The following DNAJC3 variants were observed in gnomAD, a reference collection of about 807,000 sequenced individuals.
The protein encoded by DNAJC3 is dnaJ homolog subfamily C member 3.
Under a neutral mutation model 68.6 loss-of-function variants are expected in DNAJC3, and 38 were observed. That is an observed-to-expected ratio of 0.55 (90% CI 0.43 to 0.73). The LOEUF is 0.73. DNAJC3 is among the 30% of genes least tolerant of loss of function. DNAJC3 has a pLI of 0.00. For missense variants in DNAJC3, 526 were observed against 591.9 expected, an observed-to-expected ratio of 0.89 and a Z score of 1.16; for synonymous variants, 203 against 204.0, an observed-to-expected ratio of 1.00 and a Z score of 0.04.
intron 4 of DNAJC3, among the ~76,000 whole-genome samples, chr13:95,746,939 A>G (rs1030815698): frequency 2.6e-5 from 4 of 152,188 alleles, no homozygotes; most frequent in Non-Finnish European, 4.4e-5. Flanking sequence ...TTAGTCTTAA[A>G]TTGGATTTGA....
At chr13:95,710,939 C>T (rs1333309496) in intron 2 of DNAJC3, among the ~76,000 whole-genome samples, 1 of 152,144 alleles carries the variant, frequency 6.6e-6, no homozygotes, top group African/African-American at 2.4e-5. Context: ...ATCTGCCTGC[C>T]TCAGCCTCCC....
At chr13:95,777,580 A>T (rs1344925239) in intron 9 of DNAJC3, among the ~76,000 whole-genome samples, 2 of 152,218 alleles carry the variant, frequency 1.3e-5, no homozygotes, top group East Asian at 3.9e-4. Flanking sequence ...GTCAAAATTC[A>T]CAAGAGACAA....
At chr13:95,681,801 C>T (rs961876286) in intron 1 of DNAJC3, among the ~76,000 whole-genome samples, 1 of 152,330 alleles carries the variant, frequency 6.6e-6, no homozygotes, top group East Asian at 1.9e-4. Context: ...TTTAAACTCT[C>T]CTTTCCTCTC....
chr13:95,703,760 T>C (rs1880642549), intron 1 of DNAJC3, among the ~76,000 whole-genome samples: 2 of 152,112 alleles, frequency 1.3e-5, no homozygotes, highest in Non-Finnish European at 1.5e-5. Flanking sequence ...AGCTGAAATA[T>C]GTGGCTTCCT....
intron 4 of DNAJC3, among the ~76,000 whole-genome samples, chr13:95,752,719 C>T (rs1882518700): frequency 6.6e-6 from 1 of 152,090 alleles, no homozygotes; most frequent in African/African-American, 2.4e-5. Flanking sequence ...TATCTTTTAT[C>T]CATACATGCT....
chr13:95,683,911 T>G (rs1879997372), intron 1 of DNAJC3, among the ~76,000 whole-genome samples: 1 of 122,324 alleles, frequency 8.2e-6, no homozygotes, highest in South Asian at 2.5e-4. Context: ...CCAGCCTGGG[T>G]GACAGAGCAA....
chr13:95,788,687 A>G (rs1421646380), intron 11 of DNAJC3, among the ~76,000 whole-genome samples: 2 of 152,180 alleles, frequency 1.3e-5, no homozygotes, highest in Admixed American at 1.3e-4. Flanking sequence ...ATTTTTAAGT[A>G]ATTACATAAT....
At chr13:95,781,095 C>T (rs928252225) in intron 9 of DNAJC3, among the ~76,000 whole-genome samples, 20 of 152,062 alleles carry the variant, frequency 1.3e-4, no homozygotes, top group African/African-American at 4.6e-4. Context: ...CCCTGCTTCA[C>T]TCATTTTACT....
intron 1 of DNAJC3, among the ~76,000 whole-genome samples, chr13:95,677,793 A>G (rs1196730215): frequency 6.6e-6 from 1 of 152,144 alleles, no homozygotes; most frequent in Non-Finnish European, 1.5e-5. Flanking sequence ...AAGGAGTGTC[A>G]TGTCCGGCTG....
At chr13:95,677,407 C>T in intron 1 of DNAJC3, 70 bp downstream of exon 1, 2 of 1,473,606 alleles carry the variant, frequency 1.4e-6, no homozygotes, top group Non-Finnish European at 1.8e-6. Context: ...CCCGTCTGCG[C>T]CCGGGCGCCT....
intron 9 of DNAJC3, among the ~76,000 whole-genome samples, chr13:95,766,158 A>G (rs1392983874): frequency 6.6e-6 from 1 of 152,154 alleles, no homozygotes; most frequent in Admixed American, 6.6e-5. Context: ...TCCTGGTTTT[A>G]CCTTTCTTAG....
At chr13:95,743,932 TG>T (rs1296706870) in intron 4 of DNAJC3, among the ~76,000 whole-genome samples, 1 of 152,206 alleles carries the variant, frequency 6.6e-6, no homozygotes, top group African/African-American at 2.4e-5. Flanking sequence ...TTGTCAAAAT[TG>T]TTTTAGATAT....
chr13:95,677,333 C>T lies in DNAJC3; in HGVS notation c.78C>T (p.Tyr26=), dbSNP rs146543814. The T allele has an allele frequency of 3.4e-3, 5,430 of 1,598,302 alleles. 38 individuals are homozygous for T. The highest frequency in any genetic ancestry group is 0.018 in the South Asian group (1,616 of 89,136). The change falls in exon 1 of 12, where the codon TAC becomes TAT. Residue 26 remains tyrosine, a synonymous_variant. Coordinates refer to ENST00000602402, the MANE Select transcript of DNAJC3 (RefSeq NM_006260.5). ...TGCTAGTCCTGGTGGATCTGCAGTA[C>T]GAAGGTGAGTCCTGCCCTGCCCCGG... The part of the protein sequence containing the change: ...PFLLVLVDLQ[Y]EGAECGVNAD...
intron 2 of DNAJC3, among the ~76,000 whole-genome samples, chr13:95,713,363 T>G (rs1401720757): frequency 6.6e-6 from 1 of 151,966 alleles, no homozygotes; most frequent in Non-Finnish European, 1.5e-5. Flanking sequence ...CATACTTTTG[T>G]AGCAACAGAG....
intron 9 of DNAJC3, among the ~76,000 whole-genome samples, chr13:95,770,524 A>G (rs1883129322): frequency 6.6e-6 from 1 of 152,228 alleles, no homozygotes; most frequent in South Asian, 2.1e-4. Context: ...AATAGATGCT[A>G]AAAATAAAGT....
chr13:95,677,139 A>G lies in DNAJC3; in HGVS notation c.-117A>G. On this transcript the variant is annotated 5_prime_UTR_variant, in exon 1 of 12. Transcript: ENST00000602402. The stretch of plus-strand genomic sequence containing the variant: ...CCGCTGCCTTCCTCTGCTGGGCTCC[A>G]GAGCCACTGAGGCCTGAGCGAGAGC... The G allele has an allele frequency of 1.2e-6, 1 of 826,126 alleles. No homozygotes were observed. The allele number at this position is 826,126 out of a possible 1,614,324, so 51.2% of individuals were successfully genotyped here.
chr13:95,743,509 T>C (rs946537250), intron 4 of DNAJC3, among the ~76,000 whole-genome samples: 3 of 152,168 alleles, frequency 2.0e-5, no homozygotes, highest in Non-Finnish European at 4.4e-5. Context: ...TGTAGTTCAT[T>C]AAGTGGGAAC....
intron 2 of DNAJC3, among the ~76,000 whole-genome samples, chr13:95,719,890 A>G (rs1298124464): frequency 6.6e-6 from 1 of 152,220 alleles, no homozygotes; most frequent in Non-Finnish European, 1.5e-5. Context: ...AGGTTTTTCC[A>G]AATAGAAATC....
At chr13:95,775,438 A>G (rs989256923) in intron 9 of DNAJC3, among the ~76,000 whole-genome samples, 1 of 152,122 alleles carries the variant, frequency 6.6e-6, no homozygotes, top group African/African-American at 2.4e-5. Context: ...TTAGTTGAGT[A>G]TTTGATCTTT....
Sources: allele counts gnomAD v4.1 joint callset (sites outside exome capture counted in the v4.1 genomes callset), GRCh38; gene constraint gnomAD v4.1.1; transcripts MANE v1.5; gene names NCBI Gene and HGNC (gene_info 2026-07-23, HGNC 2026-07-21).